FHOD3: variants seen among roughly 807,000 people sequenced by gnomAD.
FHOD3 encodes FH1/FH2 domain-containing protein 3.
FHOD3 carries 90 observed loss-of-function variants against 173.0 expected under a neutral mutation model. The ratio of observed to expected loss-of-function variants is 0.52; its 90% CI spans 0.44 to 0.62. The LOEUF (loss-of-function observed/expected upper bound fraction) is 0.62, where lower values mean the gene tolerates loss of function less well. FHOD3 is among the 20% of genes least tolerant of loss of function. The pLI is 0.00. For missense variants in FHOD3, 1,945 were observed against 2,034.7 expected (o/e 0.96, Z 0.85); for synonymous variants, 828 against 823.0 (o/e 1.01, Z -0.10).
In FHOD3 at chr18:36,660,036, C is replaced by T. The variant is rs183464788; in HGVS notation, c.1835+1848C>T. Among the ~76,000 whole-genome samples, 8 of 152,240 alleles carry T rather than the reference C, an allele frequency of 5.3e-5. No individual in the cohort carries two copies. In the East Asian group the frequency reaches 1.4e-3, roughly 26 times the overall value. ...CTGTAATCCCAACACTTTGGGAGGC[C>T]GAGGTGGGCAGATCACGAGGTCAGG... On this transcript the variant is annotated intron_variant, in intron 14 of 28. Transcript: ENST00000590592.
chr18:36,557,718 A>C (rs559282888), intron 5 of FHOD3, among the ~76,000 whole-genome samples: 7 of 152,204 alleles, frequency 4.6e-5, no homozygotes, highest in African/African-American at 1.2e-4. Flanking sequence ...ATTCTTTATA[A>C]ATATTTGTCA....
chr18:36,663,274 C>G (rs1029877039), intron 14 of FHOD3, among the ~76,000 whole-genome samples: 6 of 152,050 alleles, frequency 3.9e-5, no homozygotes, highest in Admixed American at 3.3e-4. Context: ...ATTGAATAAC[C>G]CTTTGTTTCC....
intron 5 of FHOD3, among the ~76,000 whole-genome samples, chr18:36,521,852 A>G (rs1036772757): frequency 1.1e-4 from 16 of 152,106 alleles, no homozygotes; most frequent in African/African-American, 3.9e-4. Context: ...GGTGCAGTCC[A>G]CTGCAGCCAC....
chr18:36,742,889 C>T, intron 22 of FHOD3, 33 bp downstream of exon 22: 2 of 1,594,106 alleles, frequency 1.3e-6, no homozygotes, highest in South Asian at 2.3e-5. Context: ...CCTGTAGCCC[C>T]CCCTTGTCAC....
At chr18:36,638,304 A>G (rs563573767) in intron 10 of FHOD3, among the ~76,000 whole-genome samples, 271 of 152,306 alleles carry the variant, frequency 1.8e-3, no homozygotes, top group African/African-American at 6.2e-3. Flanking sequence ...GGGGCTTGGT[A>G]TATCTGGGTA....
At chr18:36,663,480 T>G (rs921501470) in intron 14 of FHOD3, among the ~76,000 whole-genome samples, 1 of 152,240 alleles carries the variant, frequency 6.6e-6, no homozygotes, top group African/African-American at 2.4e-5. Flanking sequence ...AACTGTGTCA[T>G]GTGCTGCCAT....
At position 36,709,115 on chromosome 18, in the gene FHOD3, C is replaced by T; in HGVS notation, c.2257C>T (p.Pro753Ser). Residue 753 changes from proline (P) to serine (S), a missense_variant, in exon 18 of 29, where the codon CCC (proline) becomes TCC (serine). Coordinates refer to ENST00000590592, the MANE Select transcript of FHOD3 (RefSeq NM_001281740.3). The stretch of plus-strand genomic sequence containing the variant: ...ACCAGCAAGTGCCGGGGATCCTGAA[C>T]CCGAATCAGAGGCAGAACCGGAAGC... ...HPQASAGDPE[P>S]ESEAEPEAEA... 5.6e-6 allele frequency: 9 copies of T among 1,613,188 alleles called. No individual in the cohort carries two copies. The highest frequency in any genetic ancestry group is 7.6e-6 in the Non-Finnish European group (9 of 1,179,220).
At chr18:36,439,416 A>G (rs1471520406) in intron 3 of FHOD3, among the ~76,000 whole-genome samples, 1 of 152,160 alleles carries the variant, frequency 6.6e-6, no homozygotes, top group African/African-American at 2.4e-5. Context: ...TGGGTAATGA[A>G]TAAATGAATC....
intron 3 of FHOD3, among the ~76,000 whole-genome samples, chr18:36,430,193 A>G (rs1271248163): frequency 6.6e-6 from 1 of 152,218 alleles, no homozygotes; most frequent in Non-Finnish European, 1.5e-5. Context: ...TCCATTTGCC[A>G]CAAGACTAGG....
At chr18:36,471,757 T>C (rs2053297954) in intron 3 of FHOD3, among the ~76,000 whole-genome samples, 1 of 152,370 alleles carries the variant, frequency 6.6e-6, no homozygotes, top group African/African-American at 2.4e-5. Flanking sequence ...CTTGTCTGTC[T>C]ATCCACAGAA....
chr18:36,328,394 A>G (rs1296854644), intron 1 of FHOD3, among the ~76,000 whole-genome samples: 1 of 152,040 alleles, frequency 6.6e-6, no homozygotes, highest in Admixed American at 6.6e-5. Flanking sequence ...GGGTCCTGAG[A>G]TGGGAGTGTG....
intron 10 of FHOD3, among the ~76,000 whole-genome samples, chr18:36,646,470 A>G (rs1329105189): frequency 6.6e-6 from 1 of 152,202 alleles, no homozygotes; most frequent in Non-Finnish European, 1.5e-5. Flanking sequence ...TATAAATTCA[A>G]CATAATCCCT....
At chr18:36,314,339 G>A (rs113889199) in intron 1 of FHOD3, among the ~76,000 whole-genome samples, 4,467 of 152,220 alleles carry the variant, frequency 0.029, 214 homozygotes, top group African/African-American at 0.1. Context: ...ATCCCCATGG[G>A]ATACAAATCA....
intron 3 of FHOD3, among the ~76,000 whole-genome samples, chr18:36,423,283 C>T (rs941276591): frequency 2.6e-5 from 4 of 152,092 alleles, no homozygotes; most frequent in African/African-American, 9.7e-5. Context: ...ATTTTAGGAT[C>T]TCATTGGAGA....
rs2036157492 is a variant in FHOD3, at chr18:36,652,839, C to T, written c.1556C>T (p.Pro519Leu). 6.5e-7 allele frequency: 1 copy of T among 1,536,002 alleles called. No homozygotes were observed. Among genetic ancestry groups the T allele is most frequent in the Non-Finnish European group, 8.7e-7 (1 of 1,146,742 alleles). ...SPTIDKLPYVPHSPFHLFSYD... is the reference protein window; with the variant it reads ...SPTIDKLPYVLHSPFHLFSYD... ...ACCATAGACAAGCTGCCCTACGTGCCCCACAGCCCCTTCCACCTCTTCTCC... is the reference window on the plus strand; with the variant it reads ...ACCATAGACAAGCTGCCCTACGTGCTCCACAGCCCCTTCCACCTCTTCTCC... Residue 519 changes from proline (P) to leucine (L), a missense_variant, in exon 12 of 29, where the codon CCC becomes CTC. Transcript: ENST00000590592.
At chr18:36,329,057 G>C (rs563685286) in intron 1 of FHOD3, among the ~76,000 whole-genome samples, 8 of 152,124 alleles carry the variant, frequency 5.3e-5, no homozygotes, top group Non-Finnish European at 1.2e-4. Context: ...AGAAAGTGTG[G>C]GAAAGATTGG....
intron 3 of FHOD3, among the ~76,000 whole-genome samples, chr18:36,448,479 C>T (rs561686338): frequency 3.9e-5 from 6 of 152,222 alleles, no homozygotes; most frequent in Non-Finnish European, 7.4e-5. Context: ...TGTGGACCTG[C>T]CTCCATGCAG....
chr18:36,625,648 C>T lies in FHOD3; in HGVS notation c.1095C>T (p.His365=), dbSNP rs148280466. The T allele has an allele frequency of 6.2e-7, 1 of 1,610,026 alleles. No individual in the cohort carries two copies. The change falls in exon 10 of 29, where the codon CAC becomes CAT. Residue 365 remains histidine, a synonymous_variant. Coordinates refer to ENST00000590592, the MANE Select transcript of FHOD3 (RefSeq NM_001281740.3). ...TGGACCGCAGAAGGAGCCGCAGGCA[C>T]TCGGTGCAGAGCATCAAGAGCACCC... The part of the protein sequence containing the change: ...RGLDRRRSRR[H]SVQSIKSTLS...
At chr18:36,689,128 G>A (rs1468921773) in intron 16 of FHOD3, among the ~76,000 whole-genome samples, 1 of 152,180 alleles carries the variant, frequency 6.6e-6, no homozygotes, top group Non-Finnish European at 1.5e-5. Flanking sequence ...ATAACCTGGT[G>A]AAGATGGGAG....
Sources: gnomAD v4.1 joint callset for allele counts (sites outside exome capture counted in the v4.1 genomes callset) on GRCh38, gnomAD v4.1.1 for gene constraint, MANE v1.5 for transcripts, NCBI Gene and HGNC (gene_info 2026-07-23, HGNC 2026-07-21) for gene names.